Variants in HDAC8 observed in about 807,000 individuals in gnomAD.
The protein encoded by HDAC8 is histone deacetylase-like 1.
A neutral mutation model predicts 32.2 loss-of-function variants in HDAC8; 1 was observed. That is an observed-to-expected ratio of 0.03 (90% CI 0.01 to 0.15). The LOEUF is 0.15. HDAC8 is among the 10% of genes least tolerant of loss of function. HDAC8 has a pLI of 1.00. For missense variants in HDAC8, 117 were observed against 300.0 expected (o/e 0.39, Z 4.51); for synonymous variants, 108 against 113.9 (o/e 0.95, Z 0.33).
chrX:72,389,983 A>T (rs987322877), intron 9 of HDAC8, among the ~76,000 whole-genome samples: 1 of 111,765 alleles, frequency 8.9e-6, no homozygotes, highest in South Asian at 3.7e-4. Flanking sequence ...ATAACTATAC[A>T]TATTTATGGG....
intron 4 of HDAC8, among the ~76,000 whole-genome samples, chrX:72,545,794 C>T (rs1372479942): frequency 6.2e-5 from 7 of 112,065 alleles, no homozygotes; most frequent in Admixed American, 5.7e-4. Context: ...CTACAGGTGC[C>T]AGCACAGAAC....
intron 7 of HDAC8, chrX:72,473,840 A>C: frequency 1.3e-6 from 1 of 754,635 alleles, no homozygotes; most frequent in African/African-American, 2.3e-5. Context: ...AGTGGCTCCC[A>C]AAATGTTTAC....
intron 9 of HDAC8, among the ~76,000 whole-genome samples, chrX:72,393,499 C>T (rs1347855595): frequency 8.9e-6 from 1 of 112,026 alleles, no homozygotes; most frequent in Non-Finnish European, 1.9e-5. Context: ...ATTCTCAACT[C>T]GTTAAACCGT....
intron 9 of HDAC8, among the ~76,000 whole-genome samples, chrX:72,431,273 G>A (rs1433801883): frequency 8.9e-6 from 1 of 111,951 alleles, no homozygotes; most frequent in African/African-American, 3.2e-5. Context: ...CTGTATCACT[G>A]GACAGACGAG....
intron 9 of HDAC8, among the ~76,000 whole-genome samples, chrX:72,402,628 T>C (rs2045937174): frequency 9.0e-6 from 1 of 111,559 alleles, no homozygotes; most frequent in Admixed American, 9.5e-5. Flanking sequence ...AAATGTGTAG[T>C]TTATTTTCTG....
intron 7 of HDAC8, chrX:72,474,829 C>G: frequency 1.8e-5 from 9 of 500,812 alleles, no homozygotes; most frequent in Non-Finnish European, 2.7e-5. Context: ...TTCTTTGATT[C>G]CATCAGGGTA....
chrX:72,470,341 C>T lies in HDAC8; in HGVS notation c.738-5610G>A, dbSNP rs145693859. ...CAAACTTTTTCTGTCTCATACTGGA[C>T]GGAACTGGTTGAAGCTATGTGTAAT... On this transcript the variant is annotated intron_variant, in intron 7 of 10. Coordinates refer to ENST00000373573, the MANE Select transcript of HDAC8 (RefSeq NM_018486.3). Among the ~76,000 whole-genome samples the T allele has an allele frequency of 4.5e-3, 499 of 111,339 alleles. 5 individuals carry two copies. Among genetic ancestry groups the T allele is most frequent in the African/African-American group, 0.015 (464 of 30,635 alleles).
At chrX:72,359,780 C>T (rs782070603) in intron 9 of HDAC8, among the ~76,000 whole-genome samples, 9 of 110,946 alleles carry the variant, frequency 8.1e-5, no homozygotes, top group Non-Finnish European at 1.5e-4. Flanking sequence ...TGGGGCTGAG[C>T]GTGGTGGCTC....
At chrX:72,347,203 ATTC>A (rs1394568271) in intron 10 of HDAC8, among the ~76,000 whole-genome samples, 3 of 111,335 alleles carry the variant, frequency 2.7e-5, no homozygotes, top group African/African-American at 9.8e-5. Context: ...AATAGTAGCT[ATTC>A]TTCTTATTAT....
Position 72,556,868 on chromosome X carries a change from AACAATGG to A in HDAC8, c.437+11014_437+11020del, listed in dbSNP as rs782056077. Among the ~76,000 whole-genome samples, 804 of 112,202 alleles carry A rather than the reference AACAATGG, an allele frequency of 7.2e-3. 12 individuals carry two copies. Among genetic ancestry groups the A allele is most frequent in the African/African-American group, 0.025 (760 of 30,835 alleles). ...TATCCAGACAGGAAGTCAACAAAGA[AACAATGG>A]ACTTAAACTATACTCTCGAACAAAT... On this transcript the variant is annotated intron_variant, in intron 4 of 10. Coordinates refer to ENST00000373573, the MANE Select transcript of HDAC8 (RefSeq NM_018486.3).
chrX:72,412,826 C>G (rs2046230771), intron 9 of HDAC8, among the ~76,000 whole-genome samples: 1 of 112,118 alleles, frequency 8.9e-6, no homozygotes, highest in East Asian at 2.8e-4. Flanking sequence ...TGTAACATGA[C>G]TGTCTTGAGG....
At chrX:72,531,966 C>T (rs983993587) in intron 4 of HDAC8, among the ~76,000 whole-genome samples, 1 of 112,336 alleles carries the variant, frequency 8.9e-6, no homozygotes. Flanking sequence ...CATATATTTT[C>T]AGTTCTTTTG....
At chrX:72,427,951 T>A (rs2046697928) in intron 9 of HDAC8, among the ~76,000 whole-genome samples, 1 of 111,995 alleles carries the variant, frequency 8.9e-6, no homozygotes, top group African/African-American at 3.2e-5. Context: ...ATTCAAAATT[T>A]TATGTTCTTT....
intron 4 of HDAC8, among the ~76,000 whole-genome samples, chrX:72,554,603 A>G (rs1556087298): frequency 8.9e-6 from 1 of 111,884 alleles, no homozygotes; most frequent in Admixed American, 9.3e-5. Flanking sequence ...GAAGCCTGTG[A>G]CTGCCGGCTT....
intron 9 of HDAC8, among the ~76,000 whole-genome samples, chrX:72,449,147 C>G (rs1407773022): frequency 1.8e-5 from 2 of 112,037 alleles, no homozygotes; most frequent in African/African-American, 6.5e-5. Context: ...TATTGCAGTA[C>G]TATTCACAAT....
chrX:72,572,138 A>G, intron 1 of HDAC8, 29 bp from the exon 2 acceptor site: 1 of 1,126,224 alleles, frequency 8.9e-7, no homozygotes. Context: ...AAAAAAAAAA[A>G]GAAAAGCAGA....
At chrX:72,333,155 C>A (rs1569221579) in intron 10 of HDAC8, among the ~76,000 whole-genome samples, 1 of 110,555 alleles carries the variant, frequency 9.0e-6, no homozygotes, top group Non-Finnish European at 1.9e-5. Context: ...TCAAAAAAAT[C>A]TCTGGATAAT....
chrX:72,478,516 C>T (rs2048401195), intron 7 of HDAC8, among the ~76,000 whole-genome samples: 1 of 111,846 alleles, frequency 8.9e-6, no homozygotes, highest in African/African-American at 3.3e-5. Flanking sequence ...GCTTCTGGCT[C>T]ACTATGCAAT....
intron 6 of HDAC8, among the ~76,000 whole-genome samples, chrX:72,489,591 A>G (rs1444355385): frequency 9.0e-6 from 1 of 110,560 alleles, no homozygotes; most frequent in Non-Finnish European, 1.9e-5. Flanking sequence ...CACCTTATAC[A>G]AAAATTAATT....
Sources: gnomAD v4.1 joint callset for allele counts (sites outside exome capture counted in the v4.1 genomes callset) on GRCh38, gnomAD v4.1.1 for gene constraint, MANE v1.5 for transcripts, NCBI Gene and HGNC (gene_info 2026-07-23, HGNC 2026-07-21) for gene names.